PPARGC1B: variants seen among roughly 807,000 people sequenced by gnomAD.
PPARGC1B encodes the protein peroxisome proliferator-activated receptor gamma coactivator 1-beta.
A neutral mutation model predicts 101.6 loss-of-function variants in PPARGC1B; 34 were observed. That is an observed-to-expected ratio of 0.33 (90% CI 0.25 to 0.45). The LOEUF is 0.45. Ranked by LOEUF, PPARGC1B falls within the 20% of genes least tolerant of loss-of-function variation. PPARGC1B has a pLI of 1.00. For missense variants in PPARGC1B, 1,234 were observed against 1,317.6 expected (o/e 0.94, Z 0.98); for synonymous variants, 548 against 539.3 (o/e 1.02, Z -0.22).
At chr5:149,776,939 C>T (rs902664260) in intron 1 of PPARGC1B, among the ~76,000 whole-genome samples, 6 of 152,250 alleles carry the variant, frequency 3.9e-5, no homozygotes, top group African/African-American at 1.4e-4. Flanking sequence ...TGCCCAGTTC[C>T]TGGTCCCGAG....
At chr5:149,773,428 C>T (rs1487866551) in intron 1 of PPARGC1B, among the ~76,000 whole-genome samples, 1 of 152,238 alleles carries the variant, frequency 6.6e-6, no homozygotes, top group Non-Finnish European at 1.5e-5. Context: ...CAGGGGAAGA[C>T]ACCTGCGGCT....
intron 1 of PPARGC1B, among the ~76,000 whole-genome samples, chr5:149,743,278 C>A (rs1754976507): frequency 6.6e-6 from 1 of 151,498 alleles, no homozygotes; most frequent in Non-Finnish European, 1.5e-5. Flanking sequence ...GCCTCAGCCT[C>A]CTGAGTAGCT....
At chr5:149,801,744 C>T (rs531841440) in intron 1 of PPARGC1B, among the ~76,000 whole-genome samples, 4 of 152,168 alleles carry the variant, frequency 2.6e-5, no homozygotes, top group Non-Finnish European at 5.9e-5. Context: ...CTGCCATTGA[C>T]GTGTGAGTTG....
At position 149,837,968 on chromosome 5, in the gene PPARGC1B, T is replaced by TGGGGCAGGGGCA. The variant is rs532824869; in HGVS notation, c.2618+911_2618+922dup. 4.0e-4 allele frequency among the ~76,000 whole-genome samples: 60 copies of TGGGGCAGGGGCA among 151,546 alleles called. No homozygotes were observed. Among genetic ancestry groups the TGGGGCAGGGGCA allele is most frequent in the African/African-American group, 9.7e-4 (40 of 41,254 alleles). Reference sequence around the variant, plus strand: ...GGGTGTCTGATCTGTAGGTCTGGGGTGGGGCAGGGGCAGGGGCAGGGGCAG... The same window carrying TGGGGCAGGGGCA: ...GGGTGTCTGATCTGTAGGTCTGGGGTGGGGCAGGGGCAGGGGCAGGGGCAGGGGCAGGGGCAG... On this transcript the variant is annotated intron_variant, in intron 8 of 11. Coordinates refer to ENST00000309241, the MANE Select transcript of PPARGC1B (RefSeq NM_133263.4). The surrounding 1 kb of genome is among the most constrained non-coding windows in gnomAD (Gnocchi z 4.2).
intron 1 of PPARGC1B, among the ~76,000 whole-genome samples, chr5:149,765,123 A>G (rs1158799996): frequency 1.3e-5 from 2 of 152,156 alleles, no homozygotes; most frequent in African/African-American, 4.8e-5. Flanking sequence ...AGAGGGAGGG[A>G]CCCTGTGAAA....
chr5:149,774,248 G>A lies in PPARGC1B; in HGVS notation c.78+43828G>A, dbSNP rs369552575. Reference sequence around the variant, plus strand: ...TGTTCCCCCCTAGTGAGGGGACACCGTCGTAGAGAAGTTTACAGAATGGGT... The same window carrying A: ...TGTTCCCCCCTAGTGAGGGGACACCATCGTAGAGAAGTTTACAGAATGGGT... On this transcript the variant is annotated intron_variant, in intron 1 of 11. Coordinates refer to ENST00000309241, the MANE Select transcript of PPARGC1B (RefSeq NM_133263.4). 6.4e-4 allele frequency among the ~76,000 whole-genome samples: 98 copies of A among 152,258 alleles called. No homozygotes were observed. The South Asian group carries it at 8.3e-3, about 13-fold the overall frequency.
At chr5:149,828,914 G>A (rs1758634133) in intron 3 of PPARGC1B, among the ~76,000 whole-genome samples, 1 of 151,734 alleles carries the variant, frequency 6.6e-6, no homozygotes, top group Admixed American at 6.6e-5. Context: ...AGCCCGGTAT[G>A]GTGGCACGTG....
chr5:149,751,708 A>G lies in PPARGC1B; in HGVS notation c.78+21288A>G, dbSNP rs539584521. 1.0e-3 allele frequency among the ~76,000 whole-genome samples: 157 copies of G among 150,880 alleles called. 1 individual carries two copies. The highest frequency in any genetic ancestry group is 3.7e-3 in the African/African-American group (149 of 40,662). On this transcript the variant is annotated intron_variant, in intron 1 of 11. Transcript: ENST00000309241. ...GCGACAGAGGAAGACTCTGTCCAAA[A>G]GAAAAAAAAAAAAAGAAAAGAAAAC... is the stretch of plus-strand genomic sequence containing the variant.
intron 1 of PPARGC1B, among the ~76,000 whole-genome samples, chr5:149,772,602 C>T (rs998184946): frequency 3.3e-5 from 5 of 152,126 alleles, no homozygotes; most frequent in Non-Finnish European, 5.9e-5. Context: ...TGTGAGTTCA[C>T]GTGGTCTTTG....
intron 2 of PPARGC1B, among the ~76,000 whole-genome samples, chr5:149,825,326 C>A (rs17110587): frequency 0.02 from 2,987 of 152,358 alleles, 98 homozygotes; most frequent in African/African-American, 0.067. Context: ...GTGTCCTCAA[C>A]TGCAAAATGG....
At chr5:149,741,997 A>G (rs951381707) in intron 1 of PPARGC1B, among the ~76,000 whole-genome samples, 2 of 152,142 alleles carry the variant, frequency 1.3e-5, no homozygotes, top group African/African-American at 2.4e-5. Flanking sequence ...ATCTTCAACC[A>G]TGTCCTTCAA....
In PPARGC1B at chr5:149,824,981, G is replaced by A. The variant is rs537965890; in HGVS notation, c.253-1692G>A. Among the ~76,000 whole-genome samples the A allele has an allele frequency of 2.6e-5, 4 of 152,386 alleles. No homozygotes were observed. The East Asian group carries it at 7.7e-4, about 29-fold the overall frequency. The stretch of plus-strand genomic sequence containing the variant: ...TAGTGCAGCCAAAAGGCCGTCACGA[G>A]ACGTGTATTTCAGATGAACTTCCTG... On this transcript the variant is annotated intron_variant, in intron 2 of 11. Transcript: ENST00000309241.
chr5:149,784,462 C>T (rs2113233209), intron 1 of PPARGC1B, among the ~76,000 whole-genome samples: 1 of 151,920 alleles, frequency 6.6e-6, no homozygotes, highest in Non-Finnish European at 1.5e-5. Context: ...CAGAGGCCAC[C>T]CTTACCATGG....
intron 1 of PPARGC1B, among the ~76,000 whole-genome samples, chr5:149,804,970 G>A (rs1757545527): frequency 6.6e-6 from 1 of 152,188 alleles, no homozygotes; most frequent in Non-Finnish European, 1.5e-5. Context: ...GAGAAGTCAG[G>A]GGAGGGTTTT....
At chr5:149,740,384 C>T (rs1000788535) in intron 1 of PPARGC1B, among the ~76,000 whole-genome samples, 9 of 152,226 alleles carry the variant, frequency 5.9e-5, no homozygotes, top group Admixed American at 5.9e-4. Context: ...AAAGGGGACA[C>T]ATGTAATGCA....
chr5:149,799,527 G>A (rs1326332460), intron 1 of PPARGC1B, among the ~76,000 whole-genome samples: 1 of 152,106 alleles, frequency 6.6e-6, no homozygotes, highest in Non-Finnish European at 1.5e-5. Flanking sequence ...CACTGAACCA[G>A]GCCCTGAGGC....
intron 2 of PPARGC1B, among the ~76,000 whole-genome samples, chr5:149,821,608 C>T (rs921335821): frequency 2.6e-5 from 4 of 152,178 alleles, no homozygotes; most frequent in African/African-American, 9.7e-5. Flanking sequence ...TAATAACAAC[C>T]ACAATAACAT....
intron 1 of PPARGC1B, among the ~76,000 whole-genome samples, chr5:149,813,283 A>G (rs17110447): frequency 0.39 from 58,812 of 151,952 alleles, 12,445 homozygotes; most frequent in African/African-American, 0.54. Flanking sequence ...ACAACTTCTT[A>G]TCAGTGAAGG....
chr5:149,796,154 C>A (rs563889291), intron 1 of PPARGC1B, among the ~76,000 whole-genome samples: 2 of 152,242 alleles, frequency 1.3e-5, no homozygotes, highest in East Asian at 3.9e-4. Context: ...AAGACACAGC[C>A]ATGCGATGGA....
Sources: gnomAD v4.1 joint callset for allele counts (sites outside exome capture counted in the v4.1 genomes callset) on GRCh38, gnomAD v4.1.1 for gene constraint, Gnocchi (gnomAD v3.1) non-coding constraint, MANE v1.5 for transcripts, NCBI Gene and HGNC (gene_info 2026-07-23, HGNC 2026-07-21) for gene names.